MLF2: variants seen among roughly 807,000 people sequenced by gnomAD.
MLF2 encodes the protein myelodysplasia-myeloid leukemia factor 2.
A neutral mutation model predicts 31.4 loss-of-function variants in MLF2; 12 were observed. The ratio of observed to expected loss-of-function variants is 0.38; its 90% CI spans 0.24 to 0.62. The LOEUF is 0.62. Among genes scored for constraint, MLF2 ranks in the 20% least tolerant of loss-of-function variants. MLF2 has a pLI of 0.58. For missense variants in MLF2, 272 were observed against 359.7 expected, an observed-to-expected ratio of 0.76 and a Z score of 1.97; for synonymous variants, 109 against 118.8, an observed-to-expected ratio of 0.92 and a Z score of 0.54.
rs1022560034 is a variant in MLF2 at position 6,748,423 on chromosome 12, T to C, written c.*150A>G. ...GGTAGGGAAAGGGTGCCGTGAAAGG[T>C]TCTCCCTGAGACCCCCAGGGAGAGG... On this transcript the variant is annotated 3_prime_UTR_variant, in exon 9 of 9. Coordinates refer to ENST00000203630, the MANE Select transcript of MLF2 (RefSeq NM_001382226.1). This position sits in a 1 kb window ranked among gnomAD's most constrained non-coding sequence, Gnocchi z 4.6. The C allele has an allele frequency of 5.4e-6, 1 of 184,140 alleles. No individual in the cohort carries two copies. The highest frequency in any genetic ancestry group is 1.1e-5 in the Non-Finnish European group (1 of 89,400). 11.4% of individuals were successfully genotyped at this position (184,140 alleles called of 1,614,324 possible). A position where few individuals can be genotyped will look rare whatever the true frequency, so the allele number is the denominator to read the frequency against.
At chr12:6,751,307 T>C (rs890990431) in intron 4 of MLF2, among the ~76,000 whole-genome samples, 2 of 151,394 alleles carry the variant, frequency 1.3e-5, no homozygotes, top group African/African-American at 4.9e-5. Context: ...AATCTCCACC[T>C]CCCGGATTCA....
In MLF2 at chr12:6,749,972, G is replaced by C. The variant is rs1217495768; in HGVS notation, c.435C>G (p.Asp145Glu). The change falls in exon 7 of 9, where the codon GAC (aspartate) becomes GAG (glutamate). Residue 145 changes from aspartate to glutamate, a missense_variant. Physicochemically the swap from Asp to Glu is conservative, Grantham distance 45. Coordinates refer to ENST00000203630, the MANE Select transcript of MLF2 (RefSeq NM_001382226.1). The surrounding 1 kb of genome is among the most constrained non-coding windows in gnomAD (Gnocchi z 5.3). ...RETRRTVRDS[D>E]SGLEQMSIGH... is the part of the protein sequence containing the mutation. ...CAATGGACATCTGCTCCAGTCCACTGTCTGAATCCCGAACAGTCCTCCGTG... is the reference window on the plus strand; with the variant it reads ...CAATGGACATCTGCTCCAGTCCACTCTCTGAATCCCGAACAGTCCTCCGTG... The C allele has an allele frequency of 3.1e-6, 5 of 1,614,192 alleles. No individual in the cohort carries two copies. Among genetic ancestry groups the C allele is most frequent in the Non-Finnish European group, 4.2e-6 (5 of 1,180,024 alleles).
Position 6,751,959 on chromosome 12 carries a change from G to A in MLF2, c.146C>T (p.Pro49Leu). 6.2e-7 allele frequency: 1 copy of A among 1,614,168 alleles called. No homozygotes were observed. Among genetic ancestry groups the A allele is most frequent in the South Asian group, 1.1e-5 (1 of 91,082 alleles). ...CCGGCGGCTGGCAGGCCTGGTCCCT[G>A]GCATGTTGCCATCTGTGATGCTGAG... Reference protein sequence around the residue: ...PFLSITDGNMPGTRPASRRMQ... With the variant: ...PFLSITDGNMLGTRPASRRMQ... Residue 49 changes from proline to leucine, a missense_variant, in exon 3 of 9, where the codon CCA (proline) becomes CTA (leucine). By Grantham distance (98) the Pro-to-Leu change is moderately conservative (BLOSUM62 -3). Transcript: ENST00000203630.
At position 6,751,694 on chromosome 12, in the gene MLF2, G is replaced by A. The variant is rs1339904831; in HGVS notation, c.181-18C>T. ...GCTCCAGCCTACAGGAACACATGAG[G>A]AACAGAAATTAGAGACCACATCCTA... On this transcript the variant is annotated intron_variant, in intron 3 of 8. Coordinates refer to ENST00000203630, the MANE Select transcript of MLF2 (RefSeq NM_001382226.1). 1 of 1,613,902 alleles carries A rather than the reference G, an allele frequency of 6.2e-7. No individual in the cohort carries two copies. Among genetic ancestry groups the A allele is most frequent in the East Asian group, 2.2e-5 (1 of 44,890 alleles).
chr12:6,752,219 C>T lies in MLF2; in HGVS notation c.50+66G>A. On this transcript the variant is annotated intron_variant, in intron 2 of 8. Coordinates refer to ENST00000203630, the MANE Select transcript of MLF2 (RefSeq NM_001382226.1). The surrounding 1 kb of genome is among the most constrained non-coding windows in gnomAD (Gnocchi z 4.6). ...TCCAACCATTCCTAGCAATGGGAACCCCGATGTCTGCCTGAACTGCTCAGA... is the reference window on the plus strand; with the variant it reads ...TCCAACCATTCCTAGCAATGGGAACTCCGATGTCTGCCTGAACTGCTCAGA... 6.6e-7 allele frequency: 1 copy of T among 1,511,270 alleles called. No homozygotes were observed. Among genetic ancestry groups the T allele is most frequent in the Non-Finnish European group, 8.9e-7 (1 of 1,123,020 alleles). The allele number at this position is 1,511,270 out of a possible 1,614,324, so 93.6% of individuals were successfully genotyped here. A position where few individuals can be genotyped will look rare whatever the true frequency, so the allele number is the denominator to read the frequency against.
intron 3 of MLF2, 41 bp from the exon 4 acceptor site, chr12:6,751,717 C>T (rs1284741153): frequency 1.2e-6 from 2 of 1,611,298 alleles, no homozygotes; most frequent in African/African-American, 2.7e-5. Context: ...AGACCACATC[C>T]TATCTCTTTA....
chr12:6,748,672 C>T lies in MLF2; in HGVS notation c.*25+98G>A. 1 of 909,590 alleles carries T rather than the reference C, an allele frequency of 1.1e-6. No homozygotes were observed. The highest frequency in any genetic ancestry group is 2.0e-5 in the South Asian group (1 of 48,902). The allele number at this position is 909,590 out of a possible 1,614,324, so 56.3% of individuals were successfully genotyped here. On this transcript the variant is annotated intron_variant, in intron 8 of 8. Transcript: ENST00000203630. This position sits in a 1 kb window ranked among gnomAD's most constrained non-coding sequence, Gnocchi z 4.6. ...TGTTCTCTTTCCATGTCAACTTGTA[C>T]TACCAAAGGCAGCTCCTGCGGGAGC...
chr12:6,750,808 C>A lies in MLF2; in HGVS notation c.217-42G>T. 2 of 1,592,960 alleles carry A rather than the reference C, an allele frequency of 1.3e-6. No individual in the cohort carries two copies. Among genetic ancestry groups the A allele is most frequent in the South Asian group, 2.2e-5 (2 of 90,200 alleles). ...GAAAACAGAGTCAGGAAAGCAAAGT[C>A]AGTGTTCAGAGTTGATCCTGTTTAG... On this transcript the variant is annotated intron_variant, in intron 4 of 8. Transcript: ENST00000203630. The surrounding 1 kb of genome is among the most constrained non-coding windows in gnomAD (Gnocchi z 5.3).
In MLF2 at chr12:6,753,134, G is replaced by A. The variant is rs1941643107; in HGVS notation, c.-224C>T. Reference sequence around the variant, plus strand: ...GAGCCCGAACCTCGGCCAGGCCCGGGCGGAAGTGACGTCACGATAGACCCG... The same window carrying A: ...GAGCCCGAACCTCGGCCAGGCCCGGACGGAAGTGACGTCACGATAGACCCG... On this transcript the variant is annotated 5_prime_UTR_variant, in exon 1 of 9. Coordinates refer to ENST00000203630, the MANE Select transcript of MLF2 (RefSeq NM_001382226.1). 3 of 394,202 alleles carry A rather than the reference G, an allele frequency of 7.6e-6. No individual in the cohort carries two copies. The highest frequency in any genetic ancestry group is 1.3e-5 in the Non-Finnish European group (3 of 223,772). The allele number at this position is 394,202 out of a possible 1,614,324, so 24.4% of individuals were successfully genotyped here. A position where few individuals can be genotyped will look rare whatever the true frequency, so the allele number is the denominator to read the frequency against.
rs1941557988 is a variant in MLF2 at position 6,748,422 on chromosome 12, G to A, written c.*151C>T. On this transcript the variant is annotated 3_prime_UTR_variant, in exon 9 of 9. Transcript: ENST00000203630. This position sits in a 1 kb window ranked among gnomAD's most constrained non-coding sequence, Gnocchi z 4.6. ...AGGTAGGGAAAGGGTGCCGTGAAAG[G>A]TTCTCCCTGAGACCCCCAGGGAGAG... 1 of 183,994 alleles carries A rather than the reference G, an allele frequency of 5.4e-6. No individual in the cohort carries two copies. Among genetic ancestry groups the A allele is most frequent in the Non-Finnish European group, 1.1e-5 (1 of 89,266 alleles). 11.4% of individuals were successfully genotyped at this position (183,994 alleles called of 1,614,324 possible). A position where few individuals can be genotyped will look rare whatever the true frequency, so the allele number is the denominator to read the frequency against.
chr12:6,750,544 C>T lies in MLF2; in HGVS notation c.270+169G>A. ...GTAAGAGAGCTGCTGCCGGCTGCTT[C>T]AGGCAGGCATGACAGCAGGTACAGG... On this transcript the variant is annotated intron_variant, in intron 5 of 8. Transcript: ENST00000203630. This position sits in a 1 kb window ranked among gnomAD's most constrained non-coding sequence, Gnocchi z 5.3. 1 of 922,498 alleles carries T rather than the reference C, an allele frequency of 1.1e-6. No individual in the cohort carries two copies. The highest frequency in any genetic ancestry group is 2.6e-5 in the East Asian group (1 of 38,008). 57.1% of individuals were successfully genotyped at this position (922,498 alleles called of 1,614,324 possible).
In MLF2 at chr12:6,749,833, G is replaced by A. The variant is rs1284959255; in HGVS notation, c.559+15C>T. 1 of 1,613,476 alleles carries A rather than the reference G, an allele frequency of 6.2e-7. No homozygotes were observed. ...GTTAGGGGCTGCCAGCCAGGAAGCG[G>A]GAGGGAAGGCTCACTCTCATCCAGG... On this transcript the variant is annotated intron_variant, in intron 7 of 8. Transcript: ENST00000203630. The surrounding 1 kb of genome is among the most constrained non-coding windows in gnomAD (Gnocchi z 5.3).
rs1431766189 is a variant in MLF2, at chr12:6,749,500, AG to A, written c.559+347del. 6.6e-6 allele frequency among the ~76,000 whole-genome samples: 1 copy of A among 152,194 alleles called. No individual in the cohort carries two copies. Among genetic ancestry groups the A allele is most frequent in the African/African-American group, 2.4e-5 (1 of 41,442 alleles). Reference sequence around the variant, plus strand: ...GCCAACGGTCGGTGGGTGGATCACAAGGTCAGGAGTTCGAGAACGGCCTGCC... The same window carrying A: ...GCCAACGGTCGGTGGGTGGATCACAAGTCAGGAGTTCGAGAACGGCCTGCC... On this transcript the variant is annotated intron_variant, in intron 7 of 8. Transcript: ENST00000203630. This position sits in a 1 kb window ranked among gnomAD's most constrained non-coding sequence, Gnocchi z 5.3.
chr12:6,751,773 A>C, intron 3 of MLF2, 97 bp from the exon 4 acceptor site: 2 of 1,567,172 alleles, frequency 1.3e-6, no homozygotes, highest in South Asian at 1.1e-5. Context: ...CCATCCTCTC[A>C]AAAGGGAGTC....
chr12:6,750,653 C>A lies in MLF2; in HGVS notation c.270+60G>T. ...TGTTTCCCTCTTGCCTTAGAGGATG[C>A]AAGGTGTTGTCAGCCATCACTGAGA... On this transcript the variant is annotated intron_variant, in intron 5 of 8. Transcript: ENST00000203630. The surrounding 1 kb of genome is among the most constrained non-coding windows in gnomAD (Gnocchi z 5.3). The A allele has an allele frequency of 6.5e-7, 1 of 1,537,152 alleles. No homozygotes were observed. Among genetic ancestry groups the A allele is most frequent in the African/African-American group, 1.4e-5 (1 of 73,364 alleles).
Position 6,750,656 on chromosome 12 carries a change from G to A in MLF2, c.270+57C>T, listed in dbSNP as rs771566351. On this transcript the variant is annotated intron_variant, in intron 5 of 8. Coordinates refer to ENST00000203630, the MANE Select transcript of MLF2 (RefSeq NM_001382226.1). This position sits in a 1 kb window ranked among gnomAD's most constrained non-coding sequence, Gnocchi z 5.3. ...TTCCCTCTTGCCTTAGAGGATGCAA[G>A]GTGTTGTCAGCCATCACTGAGAGCA... 21 of 1,541,632 alleles carry A rather than the reference G, an allele frequency of 1.4e-5. No homozygotes were observed. Among genetic ancestry groups the A allele is most frequent in the South Asian group, 2.2e-5 (2 of 89,218 alleles).
Position 6,751,806 on chromosome 12 carries a change from T to C in MLF2, c.180+119A>G, listed in dbSNP as rs1192270430. 4 of 1,570,096 alleles carry C rather than the reference T, an allele frequency of 2.5e-6. No homozygotes were observed. In the South Asian group the frequency reaches 3.4e-5, roughly 13 times the overall value. On this transcript the variant is annotated intron_variant, in intron 3 of 8. Transcript: ENST00000203630. Reference sequence around the variant, plus strand: ...GTCACAAAGCCCTTTTTCCTGACCCTTTCCCCAACTCCTAGAGCATTTCAC... The same window carrying C: ...GTCACAAAGCCCTTTTTCCTGACCCCTTCCCCAACTCCTAGAGCATTTCAC...
In MLF2 at chr12:6,748,507, A is replaced by C. The variant is rs1243491337; in HGVS notation, c.*66T>G. The C allele has an allele frequency of 1.9e-5, 6 of 315,334 alleles. No homozygotes were observed. The highest frequency in any genetic ancestry group is 2.9e-5 in the Non-Finnish European group (5 of 172,816). 19.5% of individuals were successfully genotyped at this position (315,334 alleles called of 1,614,324 possible). A position where few individuals can be genotyped will look rare whatever the true frequency, so the allele number is the denominator to read the frequency against. On this transcript the variant is annotated 3_prime_UTR_variant, in exon 9 of 9. Coordinates refer to ENST00000203630, the MANE Select transcript of MLF2 (RefSeq NM_001382226.1). This position sits in a 1 kb window ranked among gnomAD's most constrained non-coding sequence, Gnocchi z 4.6. Reference sequence around the variant, plus strand: ...ATTGGGGATGGGAATCGAGAGGAAAAAGTTATTCAGGGGATGATTTCTCAG... The same window carrying C: ...ATTGGGGATGGGAATCGAGAGGAAACAGTTATTCAGGGGATGATTTCTCAG...
In MLF2 at chr12:6,749,050, G is replaced by A. The variant is rs954197234; in HGVS notation, c.560-68C>T. 25 of 1,452,054 alleles carry A rather than the reference G, an allele frequency of 1.7e-5. No individual in the cohort carries two copies. The Admixed American group carries it at 3.1e-4, about 18-fold the overall frequency. 89.9% of individuals were successfully genotyped at this position (1,452,054 alleles called of 1,614,324 possible). ...CTCCTGGAGGCCGATGTGCGAGCGA[G>A]CCACAGCTTTTCGGGCCAAAGCGGC... is the stretch of plus-strand genomic sequence containing the variant. On this transcript the variant is annotated intron_variant, in intron 7 of 8. Transcript: ENST00000203630. The surrounding 1 kb of genome is among the most constrained non-coding windows in gnomAD (Gnocchi z 5.3).
Sources: allele counts gnomAD v4.1 joint callset (sites outside exome capture counted in the v4.1 genomes callset), GRCh38; gene constraint gnomAD v4.1.1; non-coding constraint Gnocchi (gnomAD v3.1); transcripts MANE v1.5; gene names NCBI Gene and HGNC (gene_info 2026-07-23, HGNC 2026-07-21).